The following SAMD12 variants were observed in gnomAD, a reference collection of about 807,000 sequenced individuals.
SAMD12 encodes sterile alpha motif domain containing 12, also known as sterile alpha motif domain-containing protein 12.
A neutral mutation model predicts 15.0 loss-of-function variants in SAMD12; 9 were observed. The ratio of observed to expected loss-of-function variants is 0.60; its 90% confidence interval spans 0.36 to 1.05. SAMD12 has a LOEUF of 1.05. Among genes scored for constraint, SAMD12 ranks in the 50% least tolerant of loss-of-function variants. The pLI, the probability that SAMD12 is intolerant of heterozygous loss-of-function variation, is 0.01. For synonymous variants in SAMD12, 86 were observed against 90.1 expected, an observed-to-expected ratio of 0.96 and a Z score of 0.25; for missense variants, 230 against 234.2, an observed-to-expected ratio of 0.98 and a Z score of 0.12.
chr8:118,150,318 T>G, the SAMD12 span, among the ~76,000 whole-genome samples: 1 of 152,346 alleles, frequency 6.6e-6, no homozygotes, highest in South Asian at 2.1e-4. Flanking sequence ...CTCCCTGCCC[T>G]TATACTATTG....
intron 4 of SAMD12, among the ~76,000 whole-genome samples, chr8:118,333,121 T>C (rs2130507186): frequency 6.6e-6 from 1 of 152,298 alleles, no homozygotes; most frequent in Non-Finnish European, 1.5e-5. Context: ...GTTGATTTAC[T>C]CCAGCTCCCA....
At chr8:118,440,697 A>ACACACACACACAAAC (rs1563861873) in intron 2 of SAMD12, among the ~76,000 whole-genome samples, 19 of 52,368 alleles carry the variant, frequency 3.6e-4, no homozygotes, top group African/African-American at 5.1e-4. Flanking sequence ...CACACACACA[A>ACACACACACACAAAC]ACACACACAC....
chr8:118,533,108 A>G (rs1003465113), intron 2 of SAMD12, among the ~76,000 whole-genome samples: 3 of 151,928 alleles, frequency 2.0e-5, no homozygotes, highest in Non-Finnish European at 4.4e-5. Context: ...ACACTGTTTT[A>G]AATGTGTCCC....
intron 2 of SAMD12, among the ~76,000 whole-genome samples, chr8:118,480,559 A>C (rs1296381960): frequency 6.6e-6 from 1 of 152,200 alleles, no homozygotes; most frequent in Non-Finnish European, 1.5e-5. Flanking sequence ...TAAGTAACCC[A>C]ATGTGTTCAA....
At chr8:118,427,452 A>G (rs1822266446) in intron 3 of SAMD12, among the ~76,000 whole-genome samples, 1 of 152,180 alleles carries the variant, frequency 6.6e-6, no homozygotes, top group South Asian at 2.1e-4. Context: ...TTTACAGTCA[A>G]TTCCCTTTTA....
chr8:118,507,468 C>A (rs1452635620), intron 2 of SAMD12, among the ~76,000 whole-genome samples: 1 of 152,100 alleles, frequency 6.6e-6, no homozygotes, highest in Admixed American at 6.5e-5. Context: ...GGTATGACCT[C>A]ATCTCACTCC....
intron 4 of SAMD12, among the ~76,000 whole-genome samples, chr8:118,248,631 CTTT>C (rs34819632): frequency 8.7e-5 from 13 of 149,754 alleles, no homozygotes; most frequent in Non-Finnish European, 1.5e-4. Context: ...GAATAGATGA[CTTT>C]TTTTTTTATA....
rs746226002 is a variant in SAMD12 at position 118,299,902 on chromosome 8, G to A, written c.433+79658C>T. On this transcript the variant is annotated intron_variant, in intron 4 of 4. Coordinates refer to the SAMD12 transcript ENST00000409003. Reference sequence around the variant, plus strand: ...CTCGTCTCAAATTTACATCATAAAAGTTTCCTCAAAGCTGGGCATGGTTCA... The same window carrying A: ...CTCGTCTCAAATTTACATCATAAAAATTTCCTCAAAGCTGGGCATGGTTCA... Among the ~76,000 whole-genome samples, 15 of 152,166 alleles carry A rather than the reference G, an allele frequency of 9.9e-5. No homozygotes were observed. In the East Asian group the frequency reaches 1.2e-3, roughly 12 times the overall value.
intron 2 of SAMD12, among the ~76,000 whole-genome samples, chr8:118,487,758 C>T (rs1415489746): frequency 6.6e-6 from 1 of 152,154 alleles, no homozygotes; most frequent in Non-Finnish European, 1.5e-5. Context: ...AGAGATAATG[C>T]ACGACAGAAT....
At chr8:118,426,604 A>G (rs1822242563) in intron 3 of SAMD12, among the ~76,000 whole-genome samples, 1 of 152,188 alleles carries the variant, frequency 6.6e-6, no homozygotes, top group Admixed American at 6.5e-5. Context: ...TTATGAAACA[A>G]ATAGTTCATC....
At chr8:118,139,864 C>T in the SAMD12 span, among the ~76,000 whole-genome samples, 2 of 152,228 alleles carry the variant, frequency 1.3e-5, no homozygotes, top group Non-Finnish European at 2.9e-5. Context: ...TCTTCTCCTT[C>T]CCACTCAATC....
chr8:118,552,386 T>C (rs1346952783), intron 2 of SAMD12, among the ~76,000 whole-genome samples: 2 of 152,140 alleles, frequency 1.3e-5, no homozygotes, highest in Non-Finnish European at 2.9e-5. Flanking sequence ...TGCAAATCAA[T>C]AAATGTAATC....
At chr8:118,411,046 A>C (rs1205939354) in intron 3 of SAMD12, among the ~76,000 whole-genome samples, 2 of 152,208 alleles carry the variant, frequency 1.3e-5, no homozygotes, top group African/African-American at 4.8e-5. Flanking sequence ...AGAGGAAAGA[A>C]GACTTATAAG....
In SAMD12 at chr8:118,440,103, T is replaced by G. The variant is rs916186166; in HGVS notation, c.193-142A>C. ...TAGTTCTTGTCTTTCTCCTAACCTC[T>G]GTAGACCTTCTCAATACTGCTGAAA... On this transcript the variant is annotated intron_variant, in intron 2 of 3. Coordinates refer to ENST00000314727, the MANE Select transcript of SAMD12 (RefSeq NM_207506.3). The G allele has an allele frequency of 4.0e-6, 3 of 756,874 alleles. No individual in the cohort carries two copies. The African/African-American group carries it at 5.3e-5, about 13-fold the overall frequency. 46.9% of individuals were successfully genotyped at this position (756,874 alleles called of 1,614,324 possible).
At chr8:118,507,822 C>G (rs183128019) in intron 2 of SAMD12, among the ~76,000 whole-genome samples, 1 of 152,112 alleles carries the variant, frequency 6.6e-6, no homozygotes, top group Admixed American at 6.5e-5. Context: ...GGGTTCTGCA[C>G]AGATGACTGC....
At chr8:118,273,879 A>T (rs972383978) in intron 4 of SAMD12, among the ~76,000 whole-genome samples, 3 of 152,184 alleles carry the variant, frequency 2.0e-5, no homozygotes, top group African/African-American at 7.2e-5. Context: ...CAGGAGATCA[A>T]GATAAAAGTA....
chr8:118,153,941 T>C, the SAMD12 span, among the ~76,000 whole-genome samples: 1 of 152,114 alleles, frequency 6.6e-6, no homozygotes, highest in Non-Finnish European at 1.5e-5. Context: ...TGAATTTCTC[T>C]CCCAGTGTCT....
intron 4 of SAMD12, among the ~76,000 whole-genome samples, chr8:118,357,247 T>C (rs1436386737): frequency 6.6e-6 from 1 of 152,230 alleles, no homozygotes; most frequent in Non-Finnish European, 1.5e-5. Context: ...ATTTTATTTA[T>C]ATTTTTTTCA....
At chr8:118,464,022 T>C (rs1823514307) in intron 2 of SAMD12, among the ~76,000 whole-genome samples, 1 of 152,042 alleles carries the variant, frequency 6.6e-6, no homozygotes, top group Admixed American at 6.6e-5. Context: ...AAAATGAAAA[T>C]AATATTTTAG....
Sources: allele counts gnomAD v4.1 joint callset (sites outside exome capture counted in the v4.1 genomes callset), GRCh38; gene constraint gnomAD v4.1.1; transcripts MANE v1.5; gene names NCBI Gene and HGNC (gene_info 2026-07-23, HGNC 2026-07-21).